Variants in MRPS27 observed in about 807,000 individuals in gnomAD.
The protein encoded by MRPS27 is small ribosomal subunit protein mS27.
Under a neutral mutation model 48.9 loss-of-function variants are expected in MRPS27, and 43 were observed. The ratio of observed to expected loss-of-function variants is 0.88; its 90% CI spans 0.69 to 1.13. The LOEUF (loss-of-function observed/expected upper bound fraction) is 1.13. MRPS27 is among the 50% of genes most tolerant of loss of function. The pLI is 0.00. For synonymous variants in MRPS27, 188 were observed against 171.9 expected (o/e 1.09, Z -0.73); for missense variants, 467 against 476.3 (o/e 0.98, Z 0.18).
At chr5:72,266,345 G>T (rs1356540993) in intron 4 of MRPS27, among the ~76,000 whole-genome samples, 3 of 152,094 alleles carry the variant, frequency 2.0e-5, no homozygotes, top group Non-Finnish European at 2.9e-5. Context: ...CTCCCCCAAG[G>T]ATTGCTAGAT....
At position 72,314,115 on chromosome 5, in the gene MRPS27, T is replaced by G; in HGVS notation, c.117A>C (p.Lys39Asn). The stretch of plus-strand genomic sequence containing the variant: ...AATGTTCTTTTTCTCTTGCTTCCCA[T>G]TTGTGGCTGTCTACATAGGCTGAAG... ...LLSSAYVDSH[K>N]WEAREKEHYC... The change falls in exon 2 of 11, where the codon AAA becomes AAC. Residue 39 changes from lysine to asparagine, a missense_variant. Lys to Asn is a moderately conservative substitution (Grantham distance 94, BLOSUM62 0). Transcript: ENST00000261413. 6.2e-7 allele frequency: 1 copy of G among 1,613,208 alleles called. No homozygotes were observed.
intron 4 of MRPS27, among the ~76,000 whole-genome samples, chr5:72,252,066 AAT>A (rs1299149355): frequency 6.6e-6 from 1 of 152,220 alleles, no homozygotes; most frequent in Non-Finnish European, 1.5e-5. Flanking sequence ...ACAAATATAC[AAT>A]AGTTTTTCTC....
chr5:72,300,272 TCTC>T (rs1750092142), intron 2 of MRPS27, among the ~76,000 whole-genome samples: 1 of 152,192 alleles, frequency 6.6e-6, no homozygotes, highest in Non-Finnish European at 1.5e-5. Flanking sequence ...CTTTGCAGGA[TCTC>T]CTCTTCTTGA....
At chr5:72,312,982 T>C (rs1363262546) in intron 2 of MRPS27, among the ~76,000 whole-genome samples, 3 of 152,186 alleles carry the variant, frequency 2.0e-5, no homozygotes, top group Non-Finnish European at 4.4e-5. Flanking sequence ...AGTTTCAAGA[T>C]GGCAAAAGAA....
At chr5:72,304,848 A>C (rs1040031655) in intron 2 of MRPS27, among the ~76,000 whole-genome samples, 1 of 152,184 alleles carries the variant, frequency 6.6e-6, no homozygotes, top group Non-Finnish European at 1.5e-5. Context: ...ATTACTGTTA[A>C]CCTTTCAGGC....
chr5:72,315,557 G>GA (rs564206800), intron 1 of MRPS27, among the ~76,000 whole-genome samples: 311 of 84,772 alleles, frequency 3.7e-3, no homozygotes, highest in African/African-American at 7.8e-3. Context: ...ACTCTGTTTC[G>GA]AAAAAAAAAA....
At chr5:72,304,545 T>C (rs1750209961) in intron 2 of MRPS27, among the ~76,000 whole-genome samples, 1 of 152,152 alleles carries the variant, frequency 6.6e-6, no homozygotes, top group Admixed American at 6.5e-5. Context: ...CACAATAGAT[T>C]ACAGGCAAAA....
chr5:72,246,775 A>G (rs1485776802), intron 4 of MRPS27, among the ~76,000 whole-genome samples: 1 of 152,174 alleles, frequency 6.6e-6, no homozygotes, highest in Non-Finnish European at 1.5e-5. Context: ...AGGAATCTTG[A>G]TGTATATAGT....
intron 4 of MRPS27, among the ~76,000 whole-genome samples, chr5:72,286,114 T>A (rs1395536404): frequency 2.6e-5 from 4 of 152,236 alleles, no homozygotes; most frequent in Non-Finnish European, 5.9e-5. Flanking sequence ...AAATATATAC[T>A]ATACATTCAA....
At position 72,220,845 on chromosome 5, in the gene MRPS27, G is replaced by A. The variant is rs1747719506; in HGVS notation, c.*64C>T. The A allele has an allele frequency of 6.3e-7, 1 of 1,596,408 alleles. No individual in the cohort carries two copies. On this transcript the variant is annotated 3_prime_UTR_variant, in exon 11 of 11. Transcript: ENST00000261413. Reference sequence around the variant, plus strand: ...AGCTGAGGCTGTTGTCCAGGCCACTGCTGAGTCCTGGCACGGGGTTGAGTG... The same window carrying A: ...AGCTGAGGCTGTTGTCCAGGCCACTACTGAGTCCTGGCACGGGGTTGAGTG...
chr5:72,264,755 C>T lies in MRPS27; in HGVS notation c.282-26627G>A, dbSNP rs1042836113. Among the ~76,000 whole-genome samples, 9 of 152,204 alleles carry T rather than the reference C, an allele frequency of 5.9e-5. No individual in the cohort carries two copies. The East Asian group carries it at 7.7e-4, about 13-fold the overall frequency. ...AAGAGGAAGACATGGAACAGACTCT[C>T]CTGTACAGCCTTCAGGGAAAGGATG... On this transcript the variant is annotated intron_variant, in intron 4 of 10. Coordinates refer to ENST00000261413, the MANE Select transcript of MRPS27 (RefSeq NM_015084.3).
intron 4 of MRPS27, among the ~76,000 whole-genome samples, chr5:72,256,129 T>A (rs1365950803): frequency 6.6e-6 from 1 of 152,254 alleles, no homozygotes; most frequent in African/African-American, 2.4e-5. Context: ...ACTACTATTT[T>A]GATAATCAAA....
chr5:72,288,488 G>A (rs1282420300), intron 4 of MRPS27, among the ~76,000 whole-genome samples: 2 of 152,200 alleles, frequency 1.3e-5, no homozygotes, highest in African/African-American at 4.8e-5. Flanking sequence ...GGGATTACAG[G>A]CGTGAGCCAC....
chr5:72,295,162 T>C (rs998939619), intron 4 of MRPS27, among the ~76,000 whole-genome samples: 28 of 152,118 alleles, frequency 1.8e-4, no homozygotes, highest in Admixed American at 5.9e-4. Flanking sequence ...CATACCTTGC[T>C]AGTGGGAATG....
At chr5:72,308,924 C>T (rs1332013795) in intron 2 of MRPS27, among the ~76,000 whole-genome samples, 8 of 152,170 alleles carry the variant, frequency 5.3e-5, no homozygotes, top group Non-Finnish European at 7.3e-5. Context: ...GCATGTCAGA[C>T]GGAGAGGCAG....
chr5:72,312,093 C>G (rs1431931001), intron 2 of MRPS27, among the ~76,000 whole-genome samples: 1 of 152,208 alleles, frequency 6.6e-6, no homozygotes, highest in African/African-American at 2.4e-5. Context: ...GATGACGCCA[C>G]TGCATTCCAG....
At chr5:72,239,479 C>T (rs1222775128) in intron 4 of MRPS27, among the ~76,000 whole-genome samples, 2 of 152,112 alleles carry the variant, frequency 1.3e-5, no homozygotes, top group Non-Finnish European at 2.9e-5. Context: ...CTCTCTCACT[C>T]TATTTTTCTC....
At chr5:72,292,193 G>T (rs1749840087) in intron 4 of MRPS27, among the ~76,000 whole-genome samples, 1 of 144,926 alleles carries the variant, frequency 6.9e-6, no homozygotes, top group African/African-American at 2.6e-5. Flanking sequence ...CTTTTATATG[G>T]GTATTACCAG....
At chr5:72,223,874 C>T in intron 9 of MRPS27, 24 bp from the exon 10 acceptor site, 1 of 1,607,344 alleles carries the variant, frequency 6.2e-7, no homozygotes, top group Non-Finnish European at 8.5e-7. Context: ...AGAGGGTCAG[C>T]AACCAAATGT....
Sources: gnomAD v4.1 joint callset for allele counts (sites outside exome capture counted in the v4.1 genomes callset) on GRCh38, gnomAD v4.1.1 for gene constraint, MANE v1.5 for transcripts, NCBI Gene and HGNC (gene_info 2026-07-23, HGNC 2026-07-21) for gene names.